The following PHLDB2 variants were observed in gnomAD, a reference collection of about 807,000 sequenced individuals.
The protein encoded by PHLDB2 is pleckstrin homology-like domain family B member 2.
PHLDB2 carries 71 observed loss-of-function variants against 123.6 expected under a neutral mutation model. That is an observed-to-expected ratio of 0.57 (90% CI 0.47 to 0.70). The LOEUF is 0.70. Among genes scored for constraint, PHLDB2 ranks in the 30% least tolerant of loss-of-function variants. The pLI is 0.00. For missense variants in PHLDB2, 1,446 were observed against 1,519.5 expected (o/e 0.95, Z 0.80); for synonymous variants, 547 against 541.6 (o/e 1.01, Z -0.14).
intron 1 of PHLDB2, among the ~76,000 whole-genome samples, chr3:111,831,039 AAGG>A (rs1444953275): frequency 0.1 from 8,922 of 86,032 alleles, 1,638 homozygotes; most frequent in African/African-American, 0.3. Context: ...GAAAGGAAGG[AAGG>A]AAGAAAGAGA....
chr3:111,972,035 T>C (rs570765170), intron 16 of PHLDB2, among the ~76,000 whole-genome samples: 8 of 152,356 alleles, frequency 5.3e-5, no homozygotes, highest in African/African-American at 1.9e-4. Flanking sequence ...CTGTGAGGCT[T>C]ATATTTTTCA....
chr3:111,829,139 C>A (rs1335920492), intron 1 of PHLDB2, among the ~76,000 whole-genome samples: 1 of 152,134 alleles, frequency 6.6e-6, no homozygotes, highest in Non-Finnish European at 1.5e-5. Context: ...TTAGAGCCAA[C>A]ACACTAAAAT....
At chr3:111,973,960 A>G in intron 17 of PHLDB2, 143 bp downstream of exon 17, 1 of 516,906 alleles carries the variant, frequency 1.9e-6, no homozygotes, top group Non-Finnish European at 3.5e-6. Context: ...AGTAAACATG[A>G]AGTAAGTGGG....
At chr3:111,737,199 G>A (rs1338322510) in intron 1 of PHLDB2, among the ~76,000 whole-genome samples, 2 of 152,194 alleles carry the variant, frequency 1.3e-5, no homozygotes, top group Admixed American at 1.3e-4. Context: ...CCCTGCATCA[G>A]CTATGCATCT....
chr3:111,753,001 G>A (rs1328263139), intron 1 of PHLDB2, among the ~76,000 whole-genome samples: 1 of 152,126 alleles, frequency 6.6e-6, no homozygotes. Context: ...TGGCTGCATA[G>A]TATTCCATGG....
rs1576912416 is a variant in PHLDB2, at chr3:111,859,407, T to G, written c.-184T>G. On this transcript the variant is annotated 5_prime_UTR_variant, in exon 1 of 18. Coordinates refer to ENST00000431670, the MANE Select transcript of PHLDB2 (RefSeq NM_001134438.2). ...CACCAACTTCGTTGCTCGAACTCCC[T>G]GGGTGCCCGCCGCGGTGGTTACAAA... is the stretch of plus-strand genomic sequence containing the variant. 1.0e-6 allele frequency: 1 copy of G among 985,634 alleles called. No homozygotes were observed. Among genetic ancestry groups the G allele is most frequent in the Non-Finnish European group, 1.2e-6 (1 of 830,128 alleles). 61.1% of individuals were successfully genotyped at this position (985,634 alleles called of 1,614,324 possible).
At position 111,807,527 on chromosome 3, in the gene PHLDB2, C is replaced by G. The variant is rs545544458; in HGVS notation, c.-48-38294C>G. The stretch of plus-strand genomic sequence containing the variant: ...GGGGCCAGGAGTTTGCCCAGGAGGC[C>G]TGGGCCACATAGGAAGACCCCATCT... On this transcript the variant is annotated intron_variant, in intron 1 of 17. Transcript: ENST00000393923. Among the ~76,000 whole-genome samples, 418 of 152,110 alleles carry G rather than the reference C, an allele frequency of 2.7e-3. 2 individuals carry two copies. The highest frequency in any genetic ancestry group is 6.8e-3 in the Middle Eastern group (2 of 294).
chr3:111,921,721 G>T (rs548689706), intron 5 of PHLDB2, among the ~76,000 whole-genome samples: 1 of 150,190 alleles, frequency 6.7e-6, no homozygotes, highest in Non-Finnish European at 1.5e-5. Flanking sequence ...TCCTGCCTCA[G>T]CCTCCCAAGT....
At chr3:111,859,815 C>G (rs914634406) in intron 1 of PHLDB2, 1 of 985,478 alleles carries the variant, frequency 1.0e-6, no homozygotes, top group African/African-American at 1.7e-5. Context: ...TGGGCGGGGG[C>G]AAAGGCTAGG....
In PHLDB2 at chr3:111,882,198, A is replaced by C. The variant is rs547204334; in HGVS notation, c.-14-1866A>C. ...TTATGGTATTTTCCCATTCTAATAAATAACACTGAAATGTCCTCAGGATCC... is the reference window on the plus strand; with the variant it reads ...TTATGGTATTTTCCCATTCTAATAACTAACACTGAAATGTCCTCAGGATCC... On this transcript the variant is annotated intron_variant, in intron 1 of 17. Transcript: ENST00000431670. Among the ~76,000 whole-genome samples, 3 of 152,316 alleles carry C rather than the reference A, an allele frequency of 2.0e-5. 1 individual carries two copies. In the South Asian group the frequency reaches 6.2e-4, roughly 32 times the overall value.
chr3:111,933,415 T>A (rs2069258818), intron 6 of PHLDB2, among the ~76,000 whole-genome samples: 1 of 152,222 alleles, frequency 6.6e-6, no homozygotes, highest in Non-Finnish European at 1.5e-5. Context: ...ACAAAAATAT[T>A]TGCTACCTCT....
chr3:111,852,716 G>A (rs1440553816), intron 2 of PHLDB2, among the ~76,000 whole-genome samples: 2 of 151,598 alleles, frequency 1.3e-5, no homozygotes, highest in Non-Finnish European at 2.9e-5. Flanking sequence ...TAAGAAAAGT[G>A]AGCCAGATAA....
rs553169056 is a variant in PHLDB2, at chr3:111,884,730, C to T, written c.653C>T (p.Ala218Val). ...ARKMSIQDSL[A>V]LQPKLTRHKE... ...AAAATGAGCATTCAGGACAGCCTGG[C>T]GCTTCAACCCAAGTTAACTAGACAC... is the stretch of plus-strand genomic sequence containing the variant. Residue 218 changes from alanine (A) to valine (V), a missense_variant, in exon 2 of 18, where the codon GCG (alanine) becomes GTG (valine). By Grantham distance (64) the Ala-to-Val change is moderately conservative. Transcript: ENST00000431670. 69 of 1,614,032 alleles carry T rather than the reference C, an allele frequency of 4.3e-5. No homozygotes were observed. The highest frequency in any genetic ancestry group is 8.3e-5 in the Admixed American group (5 of 59,998).
chr3:111,944,741 C>T (rs1049375718), intron 8 of PHLDB2, among the ~76,000 whole-genome samples: 1 of 152,178 alleles, frequency 6.6e-6, no homozygotes, highest in East Asian at 1.9e-4. Flanking sequence ...AGTGCAGTGG[C>T]GCGATCTCGG....
intron 2 of PHLDB2, among the ~76,000 whole-genome samples, chr3:111,893,649 CTTT>C (rs36030335): frequency 7.0e-6 from 1 of 143,626 alleles, no homozygotes. Flanking sequence ...AATTCTCTAC[CTTT>C]TTTTTTTTTA....
At chr3:111,734,782 A>G (rs4682300) in intron 1 of PHLDB2, among the ~76,000 whole-genome samples, 148,092 of 152,286 alleles carry the variant, frequency 0.97, 72,031 homozygotes, top group East Asian at 1. Flanking sequence ...CCATAAGGTC[A>G]TGGAGTTGAC....
intron 1 of PHLDB2, among the ~76,000 whole-genome samples, chr3:111,780,411 A>AGGAAGAAGAAG (rs61182634): frequency 1.5e-5 from 2 of 130,616 alleles, no homozygotes; most frequent in Admixed American, 7.6e-5. Flanking sequence ...AAGAAGAAGA[A>AGGAAGAAGAAG]AAAGATTAGT....
At chr3:111,840,548 T>G (rs2063638089) in intron 1 of PHLDB2, among the ~76,000 whole-genome samples, 2 of 152,158 alleles carry the variant, frequency 1.3e-5, no homozygotes, top group African/African-American at 4.8e-5. Context: ...CCATACCACT[T>G]TTAGGAGAAC....
intron 1 of PHLDB2, among the ~76,000 whole-genome samples, chr3:111,759,561 G>T (rs1039662100): frequency 1.3e-5 from 2 of 152,132 alleles, no homozygotes; most frequent in Non-Finnish European, 1.5e-5. Flanking sequence ...CCGTGTGTGT[G>T]TATGCATGCA....
Sources: allele counts gnomAD v4.1 joint callset (sites outside exome capture counted in the v4.1 genomes callset), GRCh38; gene constraint gnomAD v4.1.1; transcripts MANE v1.5; gene names NCBI Gene and HGNC (gene_info 2026-07-23, HGNC 2026-07-21).